Variants in TSBP1 observed in about 807,000 individuals in gnomAD.
The protein encoded by TSBP1 is testis-expressed basic protein 1.
In TSBP1, 56 loss-of-function variants were observed where a neutral mutation model predicts 68.8. That is an observed-to-expected ratio of 0.81 (90% CI 0.66 to 1.02). The LOEUF is 1.02. Ranked by LOEUF, TSBP1 falls within the 50% of genes least tolerant of loss-of-function variation. The probability of loss-of-function intolerance (pLI) is 0.00; values close to 1 mark genes in which losing one functional copy is unlikely to be tolerated. For synonymous variants in TSBP1, 171 were observed against 208.7 expected (o/e 0.82, Z 1.56); for missense variants, 502 against 641.2 (o/e 0.78, Z 2.34).
At chr6:32,311,126 T>C (rs1248395311) in intron 19 of TSBP1, among the ~76,000 whole-genome samples, 1 of 152,158 alleles carries the variant, frequency 6.6e-6, no homozygotes, top group African/African-American at 2.4e-5. Context: ...TTCTCCCTGC[T>C]CACTACTTCT....
chr6:32,318,083 A>C (rs1463370403), intron 18 of TSBP1, among the ~76,000 whole-genome samples: 1 of 152,192 alleles, frequency 6.6e-6, no homozygotes, highest in Non-Finnish European at 1.5e-5. Flanking sequence ...TGGATAAATA[A>C]AATGTACATA....
At chr6:32,346,003 A>AT (rs1164787889) in intron 9 of TSBP1, among the ~76,000 whole-genome samples, 1,296 of 51,772 alleles carry the variant, frequency 0.025, 448 homozygotes, top group South Asian at 0.078. Context: ...TCATATCCTC[A>AT]TTTTTTTTTT....
exon 9 of TSBP1, chr6:32,349,821 C>A (rs1375405862): frequency 6.3e-7 from 1 of 1,592,066 alleles, no homozygotes; most frequent in Middle Eastern, 1.7e-4. Context: ...AACTTAGATG[C>A]CATAGACACT....
chr6:32,322,488 GC>G, intron 18 of TSBP1: 2 of 1,604,378 alleles, frequency 1.2e-6, no homozygotes, highest in South Asian at 1.1e-5. Context: ...GTACTTACTT[GC>G]GGTTCTCTGT....
At chr6:32,341,211 A>G (rs992908982) in intron 9 of TSBP1, among the ~76,000 whole-genome samples, 3 of 152,216 alleles carry the variant, frequency 2.0e-5, no homozygotes, top group African/African-American at 7.2e-5. Flanking sequence ...AAGATAAAAA[A>G]AACTTACGAT....
In TSBP1 at chr6:32,294,486, T is replaced by G. The variant is rs4713519; in HGVS notation, c.638-451A>C. Among the ~76,000 whole-genome samples the G allele has an allele frequency of 6.7e-3, 1,016 of 152,336 alleles. 17 individuals carry two copies. The highest frequency in any genetic ancestry group is 0.02 in the East Asian group (103 of 5,196). On this transcript the variant is annotated intron_variant, in intron 22 of 22. Transcript: ENST00000612031. The stretch of plus-strand genomic sequence containing the variant: ...TATTATGCAAAAGTAATAACAGTAC[T>G]AGCTGATAATTATTAAGTGCTTACC...
Position 32,322,297 on chromosome 6 carries a change from G to C in TSBP1, c.559+820C>G, listed in dbSNP as rs145983937. Among the ~76,000 whole-genome samples the C allele has an allele frequency of 6.7e-3, 1,015 of 152,302 alleles. 16 individuals are homozygous for C. Among genetic ancestry groups the C allele is most frequent in the East Asian group, 0.02 (103 of 5,188 alleles). On this transcript the variant is annotated intron_variant, in intron 18 of 22. Transcript: ENST00000612031. ...GTTGGTATGTGTTACCTTGGAAGCT[G>C]AGTTTAGAACTAAAATAATGGGAAA...
At chr6:32,339,279 A>T in intron 10 of TSBP1, 1 of 553,348 alleles carries the variant, frequency 1.8e-6, no homozygotes, top group Non-Finnish European at 3.2e-6. Context: ...AATTTCATTA[A>T]TTAATCTAGT....
At chr6:32,312,338 C>A (rs1766489930) in intron 19 of TSBP1, among the ~76,000 whole-genome samples, 1 of 151,706 alleles carries the variant, frequency 6.6e-6, no homozygotes, top group Non-Finnish European at 1.5e-5. Flanking sequence ...ATTATAGCAA[C>A]AAGGAGAGTG....
chr6:32,311,923 A>G (rs1223765780), intron 19 of TSBP1, among the ~76,000 whole-genome samples: 3 of 152,126 alleles, frequency 2.0e-5, no homozygotes, highest in Non-Finnish European at 4.4e-5. Context: ...TGTGATAAGG[A>G]TTCTTGAGCC....
Position 32,316,866 on chromosome 6 carries a change from A to G in TSBP1, c.560-1074T>C, listed in dbSNP as rs2127581946. ...GTAATCCCAGCACTTTGGGAGGTCGAGGCAGGCGGATCACGAGGTCAGGAG... is the reference window on the plus strand; with the variant it reads ...GTAATCCCAGCACTTTGGGAGGTCGGGGCAGGCGGATCACGAGGTCAGGAG... On this transcript the variant is annotated intron_variant, in intron 18 of 22. Coordinates refer to ENST00000612031, the Ensembl canonical transcript of TSBP1. The surrounding 1 kb of genome is among the most constrained non-coding windows in gnomAD (Gnocchi z 4.5). Among the ~76,000 whole-genome samples, 1 of 152,184 alleles carries G rather than the reference A, an allele frequency of 6.6e-6. No individual in the cohort carries two copies. Among genetic ancestry groups the G allele is most frequent in the South Asian group, 2.1e-4 (1 of 4,816 alleles).
At chr6:32,293,965 A>G in exon 23 of TSBP1, 1 of 1,612,548 alleles carries the variant, frequency 6.2e-7, no homozygotes, top group Non-Finnish European at 8.5e-7. Context: ...CAGTGCCTCC[A>G]CATTTTAGAA....
intron 16 of TSBP1, among the ~76,000 whole-genome samples, chr6:32,327,181 G>A (rs747492291): frequency 1.3e-5 from 2 of 152,196 alleles, no homozygotes; most frequent in Non-Finnish European, 2.9e-5. Flanking sequence ...ATGAAGAAAT[G>A]TGAGTTTCTA....
At position 32,306,464 on chromosome 6, in the gene TSBP1, C is replaced by T. The variant is rs773648689; in HGVS notation, c.581-3835G>A. Among the ~76,000 whole-genome samples, 8 of 152,098 alleles carry T rather than the reference C, an allele frequency of 5.3e-5. No individual in the cohort carries two copies. Among genetic ancestry groups the T allele is most frequent in the African/African-American group, 1.9e-4 (8 of 41,418 alleles). ...TTAGAATGCTGGTTCTCCATCTTCT[C>T]GGTTTGCTGACTCTCCAATATAATC... On this transcript the variant is annotated intron_variant, in intron 19 of 22. Coordinates refer to ENST00000612031, the Ensembl canonical transcript of TSBP1. This position sits in a 1 kb window ranked among gnomAD's most constrained non-coding sequence, Gnocchi z 5.1.
chr6:32,331,229 G>T (rs1341497055), intron 15 of TSBP1, among the ~76,000 whole-genome samples: 1 of 152,010 alleles, frequency 6.6e-6, no homozygotes, highest in African/African-American at 2.4e-5. Flanking sequence ...TTTTTCCTCA[G>T]ATCACTCTGT....
Position 32,321,495 on chromosome 6 carries a change from T to C in TSBP1, c.559+1622A>G, listed in dbSNP as rs1356035389. Reference sequence around the variant, plus strand: ...GGGCATTGGTCCCTGTGCCCAATTATAGGGCCTATTCCCAAACATGGGCAT... The same window carrying C: ...GGGCATTGGTCCCTGTGCCCAATTACAGGGCCTATTCCCAAACATGGGCAT... On this transcript the variant is annotated intron_variant, in intron 18 of 22. Transcript: ENST00000612031. The surrounding 1 kb of genome is among the most constrained non-coding windows in gnomAD (Gnocchi z 4.3). Among the ~76,000 whole-genome samples, 6 of 152,210 alleles carry C rather than the reference T, an allele frequency of 3.9e-5. No individual in the cohort carries two copies. The highest frequency in any genetic ancestry group is 1.2e-4 in the African/African-American group (5 of 41,448).
chr6:32,293,781 C>CTTTTTG, exon 23 of TSBP1: 1 of 1,612,872 alleles, frequency 6.2e-7, no homozygotes, highest in Non-Finnish European at 8.5e-7. Context: ...GGTATTCCAG[C>CTTTTTG]GTCACTGTCT....
In TSBP1 at chr6:32,335,295, A is replaced by T; in HGVS notation, c.472+142T>A. The T allele has an allele frequency of 1.6e-6, 1 of 634,010 alleles. No homozygotes were observed. The allele number at this position is 634,010 out of a possible 1,614,324, so 39.3% of individuals were successfully genotyped here. A position where few individuals can be genotyped will look rare whatever the true frequency, so the allele number is the denominator to read the frequency against. On this transcript the variant is annotated intron_variant, in intron 14 of 22. Transcript: ENST00000612031. The surrounding 1 kb of genome is among the most constrained non-coding windows in gnomAD (Gnocchi z 5.5). ...TTTATTGCAGAACCTGGATGAGTCC[A>T]ATCTGGAGTACTGGGTGAGATTATG...
intron 18 of TSBP1, among the ~76,000 whole-genome samples, 163 bp from the exon 20 acceptor site, chr6:32,322,669 A>G (rs1767762251): frequency 6.6e-6 from 1 of 152,222 alleles, no homozygotes; most frequent in Non-Finnish European, 1.5e-5. Flanking sequence ...GATTAGTTTT[A>G]TAATGCAAAA....
Sources: gnomAD v4.1 joint callset for allele counts (sites outside exome capture counted in the v4.1 genomes callset) on GRCh38, gnomAD v4.1.1 for gene constraint, Gnocchi (gnomAD v3.1) non-coding constraint, MANE v1.5 for transcripts, NCBI Gene and HGNC (gene_info 2026-07-23, HGNC 2026-07-21) for gene names.